The following CDC27 variants were observed in gnomAD, a reference collection of about 807,000 sequenced individuals.
CDC27 encodes the protein cell division cycle 27, also known as cell division cycle protein 27 homolog.
Under a neutral mutation model 109.7 loss-of-function variants are expected in CDC27, and 27 were observed. The observed-to-expected ratio is 0.25, with a 90% CI of 0.18 to 0.34. The LOEUF (loss-of-function observed/expected upper bound fraction) is 0.34. Among genes scored for constraint, CDC27 ranks in the 10% least tolerant of loss-of-function variants. The pLI is 1.00. For synonymous variants in CDC27, 266 were observed against 333.9 expected (o/e 0.80, Z 2.22); for missense variants, 579 against 960.2 (o/e 0.60, Z 5.25).
At chr17:47,132,489 C>T (rs1210437149) in intron 14 of CDC27, 115 bp from the exon 15 acceptor site, 1 of 458,450 alleles carries the variant, frequency 2.2e-6, no homozygotes, top group African/African-American at 2.0e-5. Flanking sequence ...CAGTGGAATA[C>T]TGGTGGTCTT....
chr17:47,132,822 T>A (rs1304968448), intron 14 of CDC27, among the ~76,000 whole-genome samples: 1 of 144,814 alleles, frequency 6.9e-6, no homozygotes, highest in East Asian at 2.0e-4. Flanking sequence ...TAGGCTGGAG[T>A]GCAGTGGCTC....
rs551914724 is a variant in CDC27 at position 47,187,534 on chromosome 17, T to G, written c.27+1612A>C. 5.3e-5 allele frequency among the ~76,000 whole-genome samples: 8 copies of G among 152,218 alleles called. No individual in the cohort carries two copies. In the South Asian group the frequency reaches 1.7e-3, roughly 32 times the overall value. ...CCAGGCAGGTCTCGAACTCCTGACCTCAGGTGATCCACCCGCCTCAGCCTC... is the reference window on the plus strand; with the variant it reads ...CCAGGCAGGTCTCGAACTCCTGACCGCAGGTGATCCACCCGCCTCAGCCTC... On this transcript the variant is annotated intron_variant, in intron 1 of 18. Coordinates refer to ENST00000066544, the MANE Select transcript of CDC27 (RefSeq NM_001256.6).
intron 14 of CDC27, among the ~76,000 whole-genome samples, chr17:47,133,674 G>C (rs1040550310): frequency 6.6e-6 from 1 of 151,650 alleles, no homozygotes; most frequent in African/African-American, 2.4e-5. Flanking sequence ...CCCGACTCAG[G>C]TGATCCGCCC....
At chr17:47,172,460 C>G (rs1469108067) in intron 2 of CDC27, among the ~76,000 whole-genome samples, 1 of 151,926 alleles carries the variant, frequency 6.6e-6, no homozygotes, top group Non-Finnish European at 1.5e-5. Context: ...CAAGAGAAAC[C>G]TGAGTGTAAA....
chr17:47,129,420 T>G lies in CDC27; in HGVS notation c.2133A>C (p.Ser711=). ...TATATTTTTCATTTGCAAATAAAAC[T>G]GAGGCTCTGTGAAATTTGCATAGAG... is the stretch of plus-strand genomic sequence containing the variant. ...KNPLCKFHRA[S]VLFANEKYKS... Residue 711 remains serine (S), a synonymous_variant, in exon 16 of 19, where the codon TCA becomes TCC. Coordinates refer to ENST00000066544, the MANE Select transcript of CDC27 (RefSeq NM_001256.6). 6.2e-7 allele frequency: 1 copy of G among 1,611,808 alleles called. No homozygotes were observed. The highest frequency in any genetic ancestry group is 8.5e-7 in the Non-Finnish European group (1 of 1,178,142).
intron 12 of CDC27, among the ~76,000 whole-genome samples, chr17:47,141,273 A>ATTTC (rs2148863549): frequency 6.6e-6 from 1 of 152,284 alleles, no homozygotes; most frequent in Non-Finnish European, 1.5e-5. Context: ...GGGGGTGGAG[A>ATTTC]AAATGCTTTG....
At chr17:47,152,157 C>T (rs1310433957) in intron 8 of CDC27, among the ~76,000 whole-genome samples, 1 of 152,108 alleles carries the variant, frequency 6.6e-6, no homozygotes, top group East Asian at 1.9e-4. Context: ...TCATCTTTCG[C>T]TTTTTGTTTC....
intron 15 of CDC27, among the ~76,000 whole-genome samples, chr17:47,131,781 G>C (rs940896233): frequency 7.0e-6 from 1 of 143,772 alleles, no homozygotes; most frequent in African/African-American, 2.6e-5. Flanking sequence ...TGATCCTTGT[G>C]CTTCAGCCTC....
chr17:47,157,762 T>C (rs1426822212), intron 5 of CDC27, among the ~76,000 whole-genome samples: 1 of 152,226 alleles, frequency 6.6e-6, no homozygotes. Context: ...AGCCCTTCTA[T>C]ATATACATAG....
Position 47,157,268 on chromosome 17 carries a change from G to A in CDC27, c.592C>T (p.Pro198Ser). ...VPNHSLSHRQPETVLTETPQD... is the reference protein window; with the variant it reads ...VPNHSLSHRQSETVLTETPQD... ...GGTGTTTCCGTAAGAACTGTCTCAG[G>A]CTGTCTGTGAGATAAACTATGATTA... The change falls in exon 6 of 19, where the codon CCT becomes TCT. Residue 198 changes from proline (P) to serine (S), a missense_variant. Transcript: ENST00000066544. 6.2e-7 allele frequency: 1 copy of A among 1,612,786 alleles called. No individual in the cohort carries two copies. The highest frequency in any genetic ancestry group is 8.5e-7 in the Non-Finnish European group (1 of 1,179,518).
intron 8 of CDC27, 154 bp from the exon 9 acceptor site, chr17:47,152,072 A>G (rs1014845785): frequency 4.1e-6 from 2 of 491,254 alleles, no homozygotes; most frequent in African/African-American, 4.0e-5. Context: ...ATTGTTAATT[A>G]TTGTTGTATT....
At chr17:47,170,480 G>T (rs1421753938) in intron 3 of CDC27, 1 of 152,262 alleles carries the variant, frequency 6.6e-6, no homozygotes, top group Admixed American at 6.6e-5. Flanking sequence ...CACTGCACCT[G>T]GCCAATTTGT....
At chr17:47,163,070 G>T (rs536972282) in intron 4 of CDC27, among the ~76,000 whole-genome samples, 123 of 152,220 alleles carry the variant, frequency 8.1e-4, no homozygotes, top group African/African-American at 2.8e-3. Context: ...AAAATTGAGT[G>T]ATACACACAA....
chr17:47,174,233 C>A (rs1387722076), intron 2 of CDC27, among the ~76,000 whole-genome samples: 1 of 152,172 alleles, frequency 6.6e-6, no homozygotes, highest in Non-Finnish European at 1.5e-5. Context: ...CCAAACACAA[C>A]TAAAGAAGCA....
rs745856710 is a variant in CDC27 at position 47,138,704 on chromosome 17, G to A, written c.1704+35C>T. ...CTATCTGTTGAGGGTGATCAAAAAG[G>A]TAACTATATAAGCAAAGTATTTTGG... is the stretch of plus-strand genomic sequence containing the variant. On this transcript the variant is annotated intron_variant, in intron 13 of 18. Coordinates refer to ENST00000066544, the MANE Select transcript of CDC27 (RefSeq NM_001256.6). The A allele has an allele frequency of 9.3e-6, 14 of 1,505,638 alleles. No individual in the cohort carries two copies. In the Middle Eastern group the frequency reaches 9.5e-4, roughly 102 times the overall value. 93.3% of individuals were successfully genotyped at this position (1,505,638 alleles called of 1,614,324 possible).
At position 47,120,892 on chromosome 17, in the gene CDC27, G is replaced by A. The variant is rs1445687860; in HGVS notation, c.*43C>T. The A allele has an allele frequency of 1.5e-6, 2 of 1,362,566 alleles. No individual in the cohort carries two copies. Among genetic ancestry groups the A allele is most frequent in the Non-Finnish European group, 2.1e-6 (2 of 954,860 alleles). The allele number at this position is 1,362,566 out of a possible 1,614,324, so 84.4% of individuals were successfully genotyped here. A position where few individuals can be genotyped will look rare whatever the true frequency, so the allele number is the denominator to read the frequency against. Reference sequence around the variant, plus strand: ...ATACAGAGGGACAAGAAACACGTCAGCACTAGTCACACATCCAGTTGTAAA... The same window carrying A: ...ATACAGAGGGACAAGAAACACGTCAACACTAGTCACACATCCAGTTGTAAA... On this transcript the variant is annotated 3_prime_UTR_variant, in exon 19 of 19. Coordinates refer to ENST00000066544, the MANE Select transcript of CDC27 (RefSeq NM_001256.6).
At chr17:47,164,452 C>T (rs1157874394) in intron 4 of CDC27, among the ~76,000 whole-genome samples, 1 of 152,214 alleles carries the variant, frequency 6.6e-6, no homozygotes, top group Non-Finnish European at 1.5e-5. Flanking sequence ...ACCCTACACC[C>T]AGCTTCCCCC....
In CDC27 at chr17:47,123,971, CA is replaced by C; in HGVS notation, c.2161-12del. ...TTCTTGTAAAGCAGACTGAAAAAGG[CA>C]AAGAAAAACCTTAAAGTAGCAAAAA... On this transcript the variant is annotated splice_polypyrimidine_tract_variant and intron_variant, in intron 16 of 18. Coordinates refer to ENST00000066544, the MANE Select transcript of CDC27 (RefSeq NM_001256.6). The C allele has an allele frequency of 6.4e-7, 1 of 1,570,104 alleles. No individual in the cohort carries two copies. The highest frequency in any genetic ancestry group is 1.2e-5 in the South Asian group (1 of 83,376).
At chr17:47,147,431 A>ACAAACAAAC (rs71138590) in intron 9 of CDC27, among the ~76,000 whole-genome samples, 3,279 of 144,120 alleles carry the variant, frequency 0.023, 52 homozygotes, top group Middle Eastern at 0.041. Context: ...AAACAAACAA[A>ACAAACAAAC]AAAAAAAACA....
Sources: allele counts gnomAD v4.1 joint callset (sites outside exome capture counted in the v4.1 genomes callset), GRCh38; gene constraint gnomAD v4.1.1; transcripts MANE v1.5; gene names NCBI Gene and HGNC (gene_info 2026-07-23, HGNC 2026-07-21).